NCEH1: variants seen among roughly 807,000 people sequenced by gnomAD.
NCEH1 encodes 2-acetyl MAGE hydrolase.
NCEH1 carries 9 observed loss-of-function variants against 25.4 expected under a neutral mutation model. The ratio of observed to expected loss-of-function variants is 0.35; its 90% confidence interval spans 0.21 to 0.62. The LOEUF is 0.62. Ranked by LOEUF, NCEH1 falls within the 20% of genes least tolerant of loss-of-function variation. NCEH1 has a pLI of 0.72. For missense variants in NCEH1, 412 were observed against 501.1 expected (o/e 0.82, Z 1.70); for synonymous variants, 200 against 199.8 (o/e 1.00, Z -0.01).
chr3:172,634,610 C>G (rs997354999), intron 4 of NCEH1, among the ~76,000 whole-genome samples: 2 of 152,136 alleles, frequency 1.3e-5, no homozygotes, highest in Non-Finnish European at 2.9e-5. Flanking sequence ...TTAAATAGTT[C>G]TGGCAATGCA....
At chr3:172,706,080 C>A (rs1208009547) in intron 1 of NCEH1, among the ~76,000 whole-genome samples, 1 of 150,170 alleles carries the variant, frequency 6.7e-6, no homozygotes. Context: ...GCCTCTTCAA[C>A]CTGGTGCCTT....
Position 172,662,033 on chromosome 3 carries a change from C to T in NCEH1, c.139-13919G>A, listed in dbSNP as rs561593052. ...AATAGGAGTGGTGAGAGAGGGCATC[C>T]CTCCTCTTGTGCCAGTTTTTAAAGG... On this transcript the variant is annotated intron_variant, in intron 1 of 4. Transcript: ENST00000475381. Among the ~76,000 whole-genome samples the T allele has an allele frequency of 3.5e-4, 39 of 110,818 alleles. 1 individual carries two copies. In the East Asian group the frequency reaches 8.9e-3, roughly 25 times the overall value. 72.7% of individuals were successfully genotyped at this position (110,818 alleles called of 152,430 possible).
intron 1 of NCEH1, among the ~76,000 whole-genome samples, chr3:172,690,016 G>A: frequency 6.6e-6 from 1 of 150,648 alleles, no homozygotes; most frequent in African/African-American, 2.4e-5. Context: ...CCATTCTCCT[G>A]CCTCAGCCTC....
chr3:172,665,528 G>A (rs1718165663), intron 1 of NCEH1, among the ~76,000 whole-genome samples: 1 of 152,208 alleles, frequency 6.6e-6, no homozygotes, highest in African/African-American at 2.4e-5. Flanking sequence ...TGTCAGACAG[G>A]GATGTTTAAG....
At chr3:172,680,199 C>T (rs1354318390) in intron 1 of NCEH1, among the ~76,000 whole-genome samples, 1 of 152,174 alleles carries the variant, frequency 6.6e-6, no homozygotes, top group Non-Finnish European at 1.5e-5. Flanking sequence ...TCTCATTAGG[C>T]AGTGTTCAAT....
chr3:172,634,062 G>A lies in NCEH1; in HGVS notation c.640C>T (p.Leu214Phe). Residue 214 changes from leucine (L) to phenylalanine (F), a missense_variant, in exon 5 of 5, where the codon CTC (leucine) becomes TTC (phenylalanine). Leu to Phe is a conservative substitution (Grantham distance 22, BLOSUM62 0). Transcript: ENST00000475381. ...GGATAAATTAAAGCTTGTAGTTTGA[G>A]CTTATTTTTTAGGCTGGCATCTTGA... ...FTQDASLKNK[L>F]KLQALIYPVL... 2 of 1,613,656 alleles carry A rather than the reference G, an allele frequency of 1.2e-6. No homozygotes were observed. Among genetic ancestry groups the A allele is most frequent in the African/African-American group, 2.7e-5 (2 of 74,968 alleles).
At chr3:172,647,011 T>C (rs926264443) in intron 2 of NCEH1, among the ~76,000 whole-genome samples, 6 of 151,962 alleles carry the variant, frequency 3.9e-5, no homozygotes, top group African/African-American at 1.5e-4. Flanking sequence ...TGAACAGCTA[T>C]TGAAAATGTG....
chr3:172,666,148 G>A (rs74207771), intron 1 of NCEH1, among the ~76,000 whole-genome samples: 5,248 of 152,228 alleles, frequency 0.034, 249 homozygotes, highest in African/African-American at 0.11. Flanking sequence ...ACGACTTGAA[G>A]GGCCAGTCTG....
At chr3:172,669,111 G>C (rs1560194047) in intron 1 of NCEH1, among the ~76,000 whole-genome samples, 1 of 152,156 alleles carries the variant, frequency 6.6e-6, no homozygotes, top group East Asian at 1.9e-4. Flanking sequence ...AAAAGACAGA[G>C]GCCTTGGGTC....
chr3:172,652,045 C>T (rs1203758292), intron 1 of NCEH1, among the ~76,000 whole-genome samples: 1 of 152,126 alleles, frequency 6.6e-6, no homozygotes, highest in East Asian at 1.9e-4. Flanking sequence ...GGTACAAAAA[C>T]TCCCAGATAG....
At chr3:172,671,526 C>T (rs1372744733) in intron 1 of NCEH1, among the ~76,000 whole-genome samples, 1 of 148,756 alleles carries the variant, frequency 6.7e-6, no homozygotes, top group East Asian at 1.9e-4. Flanking sequence ...CACACACACA[C>T]ACATATATAG....
chr3:172,643,464 G>T (rs757639506), intron 3 of NCEH1, among the ~76,000 whole-genome samples: 5 of 152,172 alleles, frequency 3.3e-5, no homozygotes, highest in Non-Finnish European at 5.9e-5. Flanking sequence ...ATGAGTGATG[G>T]AACTTGACTG....
At chr3:172,675,125 C>T (rs370907284) in intron 1 of NCEH1, among the ~76,000 whole-genome samples, 1 of 152,110 alleles carries the variant, frequency 6.6e-6, no homozygotes, top group East Asian at 1.9e-4. Context: ...GCCTGGCCAA[C>T]ATGGTGAAAC....
intron 1 of NCEH1, among the ~76,000 whole-genome samples, chr3:172,651,598 A>AC (rs1352066933): frequency 6.6e-6 from 1 of 150,462 alleles, no homozygotes; most frequent in African/African-American, 2.5e-5. Context: ...TCGCTCTGTT[A>AC]CCCAGGCTGG....
chr3:172,703,596 T>TA (rs1713822969), intron 1 of NCEH1, among the ~76,000 whole-genome samples: 1 of 151,180 alleles, frequency 6.6e-6, no homozygotes, highest in Admixed American at 6.6e-5. Flanking sequence ...CAATTGTGCA[T>TA]AAAAAGAACA....
intron 1 of NCEH1, among the ~76,000 whole-genome samples, chr3:172,696,644 G>A (rs938347249): frequency 3.9e-5 from 6 of 152,146 alleles, no homozygotes; most frequent in East Asian, 1.9e-4. Context: ...GCTCAAAGCC[G>A]GGATTTGAAC....
At chr3:172,636,838 C>A (rs1005219329) in intron 3 of NCEH1, among the ~76,000 whole-genome samples, 1 of 152,222 alleles carries the variant, frequency 6.6e-6, no homozygotes, top group African/African-American at 2.4e-5. Flanking sequence ...TCAAATGCCT[C>A]ACCCATAGTG....
intron 1 of NCEH1, among the ~76,000 whole-genome samples, chr3:172,690,094 G>A (rs974920436): frequency 2.0e-4 from 31 of 151,618 alleles, no homozygotes; most frequent in African/African-American, 7.3e-4. Flanking sequence ...TAGTAGAGAC[G>A]GGGTTTCACC....
At chr3:172,649,207 C>T (rs1560184078) in intron 1 of NCEH1, among the ~76,000 whole-genome samples, 1 of 152,016 alleles carries the variant, frequency 6.6e-6, no homozygotes, top group Non-Finnish European at 1.5e-5. Context: ...AACATTATAA[C>T]TGTGTGTGTA....
Sources: allele counts gnomAD v4.1 joint callset (sites outside exome capture counted in the v4.1 genomes callset), GRCh38; gene constraint gnomAD v4.1.1; transcripts MANE v1.5; gene names NCBI Gene and HGNC (gene_info 2026-07-23, HGNC 2026-07-21).